POLA1: variants seen among roughly 807,000 people sequenced by gnomAD.
The protein encoded by POLA1 is DNA polymerase alpha 1, catalytic subunit.
POLA1 carries 15 observed loss-of-function variants against 124.0 expected under a neutral mutation model. The ratio of observed to expected loss-of-function variants is 0.12; its 90% CI spans 0.08 to 0.19. The LOEUF (loss-of-function observed/expected upper bound fraction) is 0.19, where lower values mean the gene tolerates loss of function less well. POLA1 is among the 10% of genes least tolerant of loss of function. The pLI is 1.00. For missense variants in POLA1, 886 were observed against 1,103.4 expected (o/e 0.80, Z 2.79); for synonymous variants, 408 against 389.4 (o/e 1.05, Z -0.56).
chrX:24,851,746 A>G (rs1569338270), intron 34 of POLA1, among the ~76,000 whole-genome samples: 1 of 113,291 alleles, frequency 8.8e-6, no homozygotes, highest in Non-Finnish European at 1.9e-5. Context: ...AAACAGTAGA[A>G]TTCCTTTCTT....
intron 34 of POLA1, among the ~76,000 whole-genome samples, chrX:24,846,621 T>TC (rs2046480892): frequency 9.0e-6 from 1 of 111,525 alleles, no homozygotes; most frequent in African/African-American, 3.3e-5. Context: ...GTGTTCCCCC[T>TC]CCCCTTAAAT....
At chrX:24,901,568 A>G (rs902897023) in intron 35 of POLA1, among the ~76,000 whole-genome samples, 1 of 111,570 alleles carries the variant, frequency 9.0e-6, no homozygotes, top group Non-Finnish European at 1.9e-5. Flanking sequence ...CTATTCAGGA[A>G]TTCCATGTGG....
Position 24,996,707 on chromosome X carries a change from CTG to C in POLA1, c.*761_*762del, listed in dbSNP as rs1198462062. 8.9e-6 allele frequency: 1 copy of C among 112,527 alleles called. No individual in the cohort carries two copies. The highest frequency in any genetic ancestry group is 1.9e-5 in the Non-Finnish European group (1 of 53,313). 9.3% of individuals were successfully genotyped at this position (112,527 alleles called of 1,213,427 possible). ...TGTGTAGGGGTTACGGTGAGGATCA[CTG>C]TGTTGTATTCAGAAAAACGGGGAGA... On this transcript the variant is annotated 3_prime_UTR_variant, in exon 37 of 37. Transcript: ENST00000379068.
intron 10 of POLA1, 100 bp from the exon 11 acceptor site, chrX:24,723,055 G>T (rs1930300575): frequency 1.7e-6 from 1 of 576,429 alleles, no homozygotes; most frequent in African/African-American, 2.2e-5. Context: ...TATCATGAAG[G>T]TATAAATGTG....
Position 24,741,439 on chromosome X carries a change from A to G in POLA1, c.2281A>G (p.Ile761Val). Residue 761 changes from isoleucine to valine, a missense_variant, in exon 21 of 37, where the codon ATC (isoleucine) becomes GTC (valine). Around this residue, in one of 7 missense-constraint regions of POLA1, gnomAD observed 182 missense variants for 252.8 expected, o/e 0.72. Transcript: ENST00000379068. ...GAAAGATGCCAAGTTCATTTTGCAG[A>G]TCATGTGTGAGCTAAATGTTCTTCC... ...TWKDAKFILQIMCELNVLPLA... is the reference protein window; with the variant it reads ...TWKDAKFILQVMCELNVLPLA... 2 of 1,195,077 alleles carry G rather than the reference A, an allele frequency of 1.7e-6. No individual in the cohort carries two copies. The highest frequency in any genetic ancestry group is 2.3e-6 in the Non-Finnish European group (2 of 880,434).
At chrX:24,927,363 G>A (rs2047709506) in intron 35 of POLA1, among the ~76,000 whole-genome samples, 1 of 111,762 alleles carries the variant, frequency 8.9e-6, no homozygotes, top group South Asian at 3.8e-4. Context: ...CATAAAAAAC[G>A]GTGGTATTAA....
intron 1 of POLA1, among the ~76,000 whole-genome samples, chrX:24,698,569 A>G (rs11573307): frequency 0.053 from 5,920 of 111,751 alleles, 179 homozygotes; most frequent in East Asian, 0.2. Context: ...GCCAGTTGCT[A>G]CTTGTCTCCC....
intron 28 of POLA1, among the ~76,000 whole-genome samples, chrX:24,812,242 G>C (rs2148497713): frequency 8.9e-6 from 1 of 112,589 alleles, no homozygotes; most frequent in Non-Finnish European, 1.9e-5. Context: ...GTCAAAGTTT[G>C]ACTTCTTTAT....
intron 27 of POLA1, among the ~76,000 whole-genome samples, chrX:24,810,186 T>C (rs1369509049): frequency 2.7e-5 from 3 of 111,623 alleles, no homozygotes; most frequent in African/African-American, 9.8e-5. Flanking sequence ...TTTCCAGGCC[T>C]TTATACTGTA....
intron 34 of POLA1, among the ~76,000 whole-genome samples, chrX:24,877,931 T>C (rs2147123172): frequency 9.2e-6 from 1 of 108,219 alleles, no homozygotes; most frequent in East Asian, 2.9e-4. Flanking sequence ...TTTTTTGTTT[T>C]TTTTTTAGTG....
chrX:24,993,481 A>G (rs1436010548), intron 36 of POLA1, among the ~76,000 whole-genome samples: 2 of 112,814 alleles, frequency 1.8e-5, no homozygotes, highest in Non-Finnish European at 3.8e-5. Context: ...AAGCAGGAAA[A>G]GGAATCAGGG....
intron 32 of POLA1, among the ~76,000 whole-genome samples, chrX:24,831,124 T>C (rs2046254492): frequency 8.9e-6 from 1 of 111,872 alleles, no homozygotes; most frequent in Non-Finnish European, 1.9e-5. Flanking sequence ...ACCACTCATA[T>C]CACAGAGGTT....
intron 26 of POLA1, among the ~76,000 whole-genome samples, chrX:24,803,143 T>G (rs1169572519): frequency 1.8e-5 from 2 of 112,100 alleles, no homozygotes; most frequent in African/African-American, 6.5e-5. Context: ...TGAATGCTTA[T>G]GGGACCAACA....
intron 18 of POLA1, among the ~76,000 whole-genome samples, chrX:24,736,789 A>G (rs144930982): frequency 1.5e-3 from 173 of 111,946 alleles, no homozygotes; most frequent in Non-Finnish European, 2.6e-3. Context: ...TGTAAAACTG[A>G]AACGCTGTAC....
rs747869183 is a variant in POLA1 at position 24,703,355 on chromosome X, G to A, written c.265+8G>A. 7 of 1,113,906 alleles carry A rather than the reference G, an allele frequency of 6.3e-6. No individual in the cohort carries two copies. In the Admixed American group the frequency reaches 1.5e-4, roughly 25 times the overall value. 91.8% of individuals were successfully genotyped at this position (1,113,906 alleles called of 1,213,427 possible). A position where few individuals can be genotyped will look rare whatever the true frequency, so the allele number is the denominator to read the frequency against. On this transcript the variant is annotated splice_region_variant and intron_variant, in intron 3 of 36. Coordinates refer to ENST00000379068, the MANE Select transcript of POLA1 (RefSeq NM_001330360.2). ...ACTGGATTGTGGATGATGGTAGGTGGGGCGGAGGTGGGGGCGGGGATGTTG... is the reference window on the plus strand; with the variant it reads ...ACTGGATTGTGGATGATGGTAGGTGAGGCGGAGGTGGGGGCGGGGATGTTG...
intron 5 of POLA1, 100 bp downstream of exon 5, chrX:24,714,769 C>T: frequency 2.1e-6 from 1 of 480,422 alleles, no homozygotes; most frequent in Non-Finnish European, 3.4e-6. Context: ...ATTTGAGTAA[C>T]ATTTTTCCAA....
At chrX:24,815,161 C>T in intron 30 of POLA1, 50 bp downstream of exon 30, 2 of 1,098,229 alleles carry the variant, frequency 1.8e-6, no homozygotes, top group Non-Finnish European at 2.5e-6. Flanking sequence ...GTGTTTTTCA[C>T]CTCCTTCAGA....
intron 35 of POLA1, among the ~76,000 whole-genome samples, chrX:24,905,023 C>CA (rs59707195): frequency 0.15 from 6,511 of 43,700 alleles, 1,036 homozygotes; most frequent in African/African-American, 0.4. Flanking sequence ...GACTCTGTCT[C>CA]AAAAAAAAAA....
At chrX:24,886,520 C>T (rs937273993) in intron 34 of POLA1, among the ~76,000 whole-genome samples, 1 of 111,732 alleles carries the variant, frequency 8.9e-6, no homozygotes, top group Non-Finnish European at 1.9e-5. Context: ...GCTAGAAGAA[C>T]TGATTCTTGG....
Sources: gnomAD v4.1 joint callset for allele counts (sites outside exome capture counted in the v4.1 genomes callset) on GRCh38, gnomAD v4.1.1 for gene constraint, gnomAD v4.1.1 regional missense constraint, MANE v1.5 for transcripts, NCBI Gene and HGNC (gene_info 2026-07-23, HGNC 2026-07-21) for gene names.